The following GFM2 variants were observed in gnomAD, a reference collection of about 807,000 sequenced individuals.
The protein encoded by GFM2 is ribosome-releasing factor 2, mitochondrial.
In GFM2, 72 loss-of-function variants were observed where a neutral mutation model predicts 95.4. The ratio of observed to expected loss-of-function variants is 0.76; its 90% CI spans 0.62 to 0.92. The LOEUF (loss-of-function observed/expected upper bound fraction) is 0.92, where lower values mean the gene tolerates loss of function less well. Ranked by LOEUF, GFM2 falls within the 40% of genes least tolerant of loss-of-function variation. The probability of loss-of-function intolerance (pLI) is 0.00; values close to 1 mark genes in which losing one functional copy is unlikely to be tolerated. For synonymous variants in GFM2, 276 were observed against 317.5 expected, an observed-to-expected ratio of 0.87 and a Z score of 1.39; for missense variants, 825 against 924.1, an observed-to-expected ratio of 0.89 and a Z score of 1.39.
chr5:74,732,449 C>A (rs1742621740), intron 16 of GFM2, among the ~76,000 whole-genome samples: 3 of 152,038 alleles, frequency 2.0e-5, no homozygotes. Flanking sequence ...CTTCTAAAAT[C>A]TTATGTAAAC....
chr5:74,730,350 G>A lies in GFM2; in HGVS notation c.1636C>T (p.Arg546Ter), dbSNP rs780691008. 45 of 1,611,784 alleles carry A rather than the reference G, an allele frequency of 2.8e-5. No homozygotes were observed. The highest frequency in any genetic ancestry group is 5.3e-5 in the African/African-American group (4 of 74,810). The change falls in exon 17 of 21, where the codon CGA becomes TGA. Residue 546 changes from arginine to a stop codon, truncating the protein, a stop_gained. Transcript: ENST00000296805. LOFTEE classifies it high-confidence loss of function. ...GELHIEIIHD[R>*]IKREYGLETY... is the part of the protein sequence containing the mutation. ...TCCAGTCCATATTCCCTCTTGATTC[G>A]ATCATGAATAATCTCTATATGTAAC...
chr5:74,740,192 A>G, intron 11 of GFM2, 55 bp from the exon 12 acceptor site: 5 of 1,489,474 alleles, frequency 3.4e-6, no homozygotes, highest in Non-Finnish European at 4.5e-6. Flanking sequence ...CTTGGCGAGA[A>G]GCTCAAAATT....
chr5:74,732,602 T>C (rs76566228), intron 16 of GFM2, among the ~76,000 whole-genome samples: 2,032 of 152,206 alleles, frequency 0.013, 46 homozygotes, highest in African/African-American at 0.046. Flanking sequence ...CAGTGTTACA[T>C]TGTAATCTAT....
intron 5 of GFM2, among the ~76,000 whole-genome samples, chr5:74,757,815 A>T (rs1744074544): frequency 6.6e-6 from 1 of 152,074 alleles, no homozygotes; most frequent in Admixed American, 6.6e-5. Context: ...CCTTGAGGAC[A>T]CTGTACTATG....
intron 14 of GFM2, among the ~76,000 whole-genome samples, chr5:74,737,859 T>C (rs1184222102): frequency 6.6e-6 from 1 of 152,168 alleles, no homozygotes; most frequent in African/African-American, 2.4e-5. Context: ...ATGCAAACAC[T>C]GATCTATGGA....
chr5:74,751,991 G>A (rs1359484951), intron 5 of GFM2, among the ~76,000 whole-genome samples: 21 of 152,096 alleles, frequency 1.4e-4, no homozygotes, highest in Admixed American at 1.4e-3. Flanking sequence ...AGGATGAAAG[G>A]AGACAATATA....
rs946906822 is a variant in GFM2 at position 74,759,287 on chromosome 5, G to A, written c.206+82C>T. 4 of 783,782 alleles carry A rather than the reference G, an allele frequency of 5.1e-6. No individual in the cohort carries two copies. In the African/African-American group the frequency reaches 6.0e-5, roughly 12 times the overall value. 48.6% of individuals were successfully genotyped at this position (783,782 alleles called of 1,614,324 possible). On this transcript the variant is annotated intron_variant, in intron 4 of 20. Transcript: ENST00000296805. Reference sequence around the variant, plus strand: ...AGGGCAGAAAGTCATAGAAATTACAGCATTCACTCTTGTCCATCAGAAAAA... The same window carrying A: ...AGGGCAGAAAGTCATAGAAATTACAACATTCACTCTTGTCCATCAGAAAAA...
intron 7 of GFM2, among the ~76,000 whole-genome samples, chr5:74,748,563 G>A (rs951648108): frequency 1.3e-5 from 2 of 151,922 alleles, no homozygotes; most frequent in African/African-American, 2.4e-5. Context: ...TTATACATAC[G>A]TACCAGTTGG....
chr5:74,738,358 A>G lies in GFM2; in HGVS notation c.1280T>C (p.Leu427Ser). Residue 427 changes from leucine (L) to serine (S), a missense_variant, in exon 14 of 21, where the codon TTG becomes TCG. By Grantham distance (145) the Leu-to-Ser change is moderately radical. Transcript: ENST00000296805. The part of the protein sequence containing the change: ...FADQHVEIPS[L>S]TAGNIALTVG... ...AGTCAAAGCAATGTTACCAGCAGTCAATGAAGGGATTTCTACATGTTGGTC... is the reference window on the plus strand; with the variant it reads ...AGTCAAAGCAATGTTACCAGCAGTCGATGAAGGGATTTCTACATGTTGGTC... 1 of 1,613,668 alleles carries G rather than the reference A, an allele frequency of 6.2e-7. No individual in the cohort carries two copies. The highest frequency in any genetic ancestry group is 1.1e-5 in the South Asian group (1 of 91,064).
chr5:74,745,661 C>T lies in GFM2; in HGVS notation c.849+17G>A. On this transcript the variant is annotated intron_variant, in intron 10 of 20. Transcript: ENST00000296805. ...GTGCACACATTGGTGTTCATTTTAT[C>T]ATTCATTATACTTTACTTGTTCAAT... 1 of 1,577,840 alleles carries T rather than the reference C, an allele frequency of 6.3e-7. No homozygotes were observed. Among genetic ancestry groups the T allele is most frequent in the East Asian group, 2.2e-5 (1 of 44,458 alleles).
intron 17 of GFM2, among the ~76,000 whole-genome samples, chr5:74,727,871 A>G (rs1750220197): frequency 6.6e-6 from 1 of 152,182 alleles, no homozygotes; most frequent in South Asian, 2.1e-4. Context: ...ATGTCAAAAA[A>G]CTTATTTCTT....
chr5:74,766,844 G>A (rs1333947412), intron 1 of GFM2, 94 bp downstream of exon 1: 1 of 153,108 alleles, frequency 6.5e-6, no homozygotes, highest in Non-Finnish European at 1.5e-5. Flanking sequence ...TTCCGTGGCT[G>A]GCTGTGTCCG....
Position 74,740,141 on chromosome 5 carries a change from C to T in GFM2, c.931-4G>A, listed in dbSNP as rs1484148744. The T allele has an allele frequency of 6.3e-7, 1 of 1,593,374 alleles. No individual in the cohort carries two copies. Among genetic ancestry groups the T allele is most frequent in the Non-Finnish European group, 8.5e-7 (1 of 1,172,930 alleles). Reference sequence around the variant, plus strand: ...CTCTATGTATTGCAGTCTGTAGCTACAGAGCAGAGATACAAATGAGCATTT... The same window carrying T: ...CTCTATGTATTGCAGTCTGTAGCTATAGAGCAGAGATACAAATGAGCATTT... On this transcript the variant is annotated splice_region_variant and splice_polypyrimidine_tract_variant and intron_variant, in intron 11 of 20. Coordinates refer to ENST00000296805, the MANE Select transcript of GFM2 (RefSeq NM_032380.5).
intron 19 of GFM2, among the ~76,000 whole-genome samples, chr5:74,724,097 T>C (rs1025307323): frequency 1.3e-5 from 2 of 152,130 alleles, no homozygotes; most frequent in African/African-American, 4.8e-5. Flanking sequence ...AGTGTTTTGT[T>C]TGAAGTAACG....
chr5:74,744,323 T>C (rs534974434), intron 10 of GFM2, among the ~76,000 whole-genome samples: 16 of 152,152 alleles, frequency 1.1e-4, no homozygotes, highest in African/African-American at 3.9e-4. Context: ...TGTGGTCTGT[T>C]GTTGACTAAA....
chr5:74,742,326 A>C (rs1743152399), intron 10 of GFM2, among the ~76,000 whole-genome samples: 1 of 151,816 alleles, frequency 6.6e-6, no homozygotes, highest in Non-Finnish European at 1.5e-5. Context: ...ATCCTTCTGG[A>C]AAGCATTATA....
At chr5:74,733,511 C>T (rs2112243541) in intron 15 of GFM2, 1 of 154,290 alleles carries the variant, frequency 6.5e-6, no homozygotes, top group Non-Finnish European at 1.4e-5. Context: ...AAAGGAATCC[C>T]AGATAGAGGG....
intron 10 of GFM2, among the ~76,000 whole-genome samples, chr5:74,744,052 A>G (rs188066900): frequency 1.1e-4 from 16 of 152,336 alleles, no homozygotes. Flanking sequence ...AGTGACAGGG[A>G]TAAGTTCTGA....
At chr5:74,757,368 A>G (rs1046289614) in intron 5 of GFM2, among the ~76,000 whole-genome samples, 2 of 152,202 alleles carry the variant, frequency 1.3e-5, no homozygotes, top group Admixed American at 6.5e-5. Context: ...AGTTATTGCC[A>G]TGACTTTTGT....
Sources: allele counts gnomAD v4.1 joint callset (sites outside exome capture counted in the v4.1 genomes callset), GRCh38; gene constraint gnomAD v4.1.1; transcripts MANE v1.5; gene names NCBI Gene and HGNC (gene_info 2026-07-23, HGNC 2026-07-21).